The following SNX6 variants were observed in gnomAD, a reference collection of about 807,000 sequenced individuals.
SNX6 encodes the protein sorting nexin 6, also known as sorting nexin-6.
A neutral mutation model predicts 63.0 loss-of-function variants in SNX6; 34 were observed. That is an observed-to-expected ratio of 0.54 (90% confidence interval 0.41 to 0.72). SNX6 has a LOEUF of 0.72. Ranked by LOEUF, SNX6 falls within the 30% of genes least tolerant of loss-of-function variation. The pLI is 0.00. For synonymous variants in SNX6, 170 were observed against 164.2 expected (o/e 1.04, Z -0.27); for missense variants, 398 against 471.4 (o/e 0.84, Z 1.44).
chr14:34,599,679 C>G (rs1057175637), intron 6 of SNX6, among the ~76,000 whole-genome samples: 1 of 150,244 alleles, frequency 6.7e-6, no homozygotes, highest in Non-Finnish European at 1.5e-5. Flanking sequence ...GAGGCTGAGG[C>G]TGGAGAATCG....
chr14:34,625,413 CAG>C (rs1566496357), intron 2 of SNX6, among the ~76,000 whole-genome samples: 2 of 152,102 alleles, frequency 1.3e-5, no homozygotes, highest in African/African-American at 4.8e-5. Flanking sequence ...AGTGCACAAA[CAG>C]AAACTCCTTG....
chr14:34,623,720 C>T (rs979808241), intron 2 of SNX6, among the ~76,000 whole-genome samples: 3 of 151,988 alleles, frequency 2.0e-5, no homozygotes, highest in Non-Finnish European at 2.9e-5. Flanking sequence ...GGTTTCTTGC[C>T]GGCACAACTG....
intron 4 of SNX6, among the ~76,000 whole-genome samples, 165 bp downstream of exon 4, chr14:34,607,865 G>A (rs149376176): frequency 4.6e-5 from 7 of 152,146 alleles, no homozygotes; most frequent in South Asian, 2.1e-4. Flanking sequence ...CCGAGACTGC[G>A]TCACTACACT....
intron 2 of SNX6, chr14:34,629,364 G>C (rs1048153657): frequency 2.1e-5 from 8 of 381,224 alleles, no homozygotes; most frequent in Admixed American, 3.2e-5. Context: ...AGATACCATG[G>C]GCTACCTGCA....
At chr14:34,620,511 T>G (rs1055955282) in intron 2 of SNX6, among the ~76,000 whole-genome samples, 10 of 152,038 alleles carry the variant, frequency 6.6e-5, no homozygotes, top group African/African-American at 2.2e-4. Context: ...ATTCTTTACA[T>G]GAGTACCTAA....
intron 13 of SNX6, among the ~76,000 whole-genome samples, chr14:34,566,375 G>C (rs1881183309): frequency 6.6e-6 from 1 of 152,090 alleles, no homozygotes; most frequent in Non-Finnish European, 1.5e-5. Flanking sequence ...ACCACGCCCA[G>C]CTAATTTTTA....
chr14:34,579,578 G>T (rs563836493), intron 10 of SNX6, among the ~76,000 whole-genome samples: 2 of 152,134 alleles, frequency 1.3e-5, no homozygotes, highest in African/African-American at 4.8e-5. Flanking sequence ...CTGCACTCCC[G>T]CCTGGCCGAC....
rs576296453 is a variant in SNX6, at chr14:34,568,909, C to G, written c.922-896G>C. ...TCCCCCATAGATCTTGGTCATGGAG[C>G]CAACCCCAGCGCCACCCCAGAGGTA... On this transcript the variant is annotated intron_variant, in intron 11 of 13. Transcript: ENST00000362031. 8 of 1,261,424 alleles carry G rather than the reference C, an allele frequency of 6.3e-6. No homozygotes were observed. The Admixed American group carries it at 1.4e-4, about 21-fold the overall frequency. The allele number at this position is 1,261,424 out of a possible 1,614,324, so 78.1% of individuals were successfully genotyped here.
intron 3 of SNX6, 100 bp downstream of exon 3, chr14:34,609,538 G>T: frequency 1.3e-4 from 47 of 364,854 alleles, no homozygotes; most frequent in East Asian, 3.3e-4. Context: ...TGTTAAAATA[G>T]TTTCTTTCCA....
intron 2 of SNX6, among the ~76,000 whole-genome samples, chr14:34,621,478 T>C (rs1353451377): frequency 6.6e-6 from 1 of 152,198 alleles, no homozygotes; most frequent in East Asian, 1.9e-4. Context: ...CCTGGATGTA[T>C]TCACTTATTA....
intron 8 of SNX6, among the ~76,000 whole-genome samples, chr14:34,589,044 G>A (rs561967314): frequency 1.5e-4 from 23 of 152,230 alleles, no homozygotes; most frequent in African/African-American, 4.8e-4. Context: ...TGAGGCACGA[G>A]GATTGCCTGA....
intron 9 of SNX6, among the ~76,000 whole-genome samples, chr14:34,583,431 T>TTTTTTA (rs1555325423): frequency 1.7e-5 from 2 of 119,310 alleles, no homozygotes; most frequent in Non-Finnish European, 3.7e-5. Context: ...GGTTATTCAT[T>TTTTTTA]TTTTTCTTTT....
intron 7 of SNX6, among the ~76,000 whole-genome samples, chr14:34,596,024 C>A (rs978880127): frequency 6.6e-6 from 1 of 151,658 alleles, no homozygotes; most frequent in Non-Finnish European, 1.5e-5. Flanking sequence ...TGGAGACCAT[C>A]TTGGCTAACA....
At chr14:34,623,935 G>C (rs1883724919) in intron 2 of SNX6, among the ~76,000 whole-genome samples, 1 of 152,106 alleles carries the variant, frequency 6.6e-6, no homozygotes, top group Non-Finnish European at 1.5e-5. Context: ...AAAAAAATGT[G>C]TCCAATTCAA....
At chr14:34,605,749 A>G in intron 4 of SNX6, 32 bp from the exon 5 acceptor site, 1 of 1,583,164 alleles carries the variant, frequency 6.3e-7, no homozygotes, top group Non-Finnish European at 8.5e-7. Context: ...AATTTTAAGG[A>G]AATTTTCATT....
intron 10 of SNX6, among the ~76,000 whole-genome samples, chr14:34,580,178 T>C (rs908804544): frequency 6.6e-6 from 1 of 152,126 alleles, no homozygotes; most frequent in Non-Finnish European, 1.5e-5. Flanking sequence ...AGAGCAAGAC[T>C]CCGTCTCAAA....
intron 8 of SNX6, among the ~76,000 whole-genome samples, chr14:34,589,065 C>A (rs776306497): frequency 2.6e-5 from 4 of 152,048 alleles, no homozygotes; most frequent in African/African-American, 4.8e-5. Context: ...ACCTGTGAGG[C>A]GGAGGTTGCA....
intron 13 of SNX6, 98 bp downstream of exon 13, chr14:34,567,588 C>A: frequency 1.1e-6 from 1 of 870,716 alleles, no homozygotes; most frequent in East Asian, 2.7e-5. Flanking sequence ...GTCACAGTAT[C>A]CCTATGAGAA....
At chr14:34,604,300 G>A (rs901739176) in intron 5 of SNX6, 6 of 1,235,090 alleles carry the variant, frequency 4.9e-6, no homozygotes. Context: ...CATGATCAGG[G>A]CCACTGGAAA....
Sources: allele counts gnomAD v4.1 joint callset (sites outside exome capture counted in the v4.1 genomes callset), GRCh38; gene constraint gnomAD v4.1.1; transcripts MANE v1.5; gene names NCBI Gene and HGNC (gene_info 2026-07-23, HGNC 2026-07-21).